The following CDH13 variants were observed in gnomAD, a reference collection of about 807,000 sequenced individuals.
CDH13 encodes the protein cadherin 13, also known as cadherin-13.
A neutral mutation model predicts 63.8 loss-of-function variants in CDH13; 24 were observed. The observed-to-expected ratio is 0.38, with a 90% CI of 0.27 to 0.53. CDH13 has a LOEUF of 0.53. CDH13 is among the 20% of genes least tolerant of loss of function. The probability of loss-of-function intolerance (pLI) is 0.85; values close to 1 mark genes in which losing one functional copy is unlikely to be tolerated. For missense variants in CDH13, 1,049 were observed against 903.1 expected, an observed-to-expected ratio of 1.16 and a Z score of -2.07; for synonymous variants, 503 against 355.3, an observed-to-expected ratio of 1.42 and a Z score of -4.67.
At chr16:83,300,459 C>G (rs925466765) in intron 5 of CDH13, among the ~76,000 whole-genome samples, 2 of 152,182 alleles carry the variant, frequency 1.3e-5, no homozygotes, top group Non-Finnish European at 2.9e-5. Flanking sequence ...AAGATGTTAT[C>G]TCAAATTTAA....
intron 5 of CDH13, among the ~76,000 whole-genome samples, chr16:83,262,340 G>C (rs1907093538): frequency 6.6e-6 from 1 of 152,192 alleles, no homozygotes; most frequent in African/African-American, 2.4e-5. Context: ...CAGATGTGTA[G>C]GGAGACTCTG....
chr16:83,583,633 T>C (rs1266013833), intron 7 of CDH13, among the ~76,000 whole-genome samples: 4 of 152,126 alleles, frequency 2.6e-5, no homozygotes, highest in Non-Finnish European at 4.4e-5. Context: ...AAGAGTGTGA[T>C]TTGGTGGCTC....
chr16:82,710,400 G>A, intron 1 of CDH13, among the ~76,000 whole-genome samples: 1 of 145,766 alleles, frequency 6.9e-6, no homozygotes, highest in South Asian at 2.1e-4. Flanking sequence ...GCGCATGGTG[G>A]TGGGTGCTGT....
chr16:83,262,777 T>C (rs1037526587), intron 5 of CDH13, among the ~76,000 whole-genome samples: 27 of 152,254 alleles, frequency 1.8e-4, no homozygotes, highest in African/African-American at 6.0e-4. Context: ...ACAGTGTTTC[T>C]TTGGCAGATG....
chr16:83,014,816 G>GTATATA (rs1378898826), intron 2 of CDH13, among the ~76,000 whole-genome samples: 6 of 64,168 alleles, frequency 9.4e-5, no homozygotes, highest in African/African-American at 3.5e-4. Context: ...ATATATATTT[G>GTATATA]TATATATATA....
chr16:83,730,113 A>G (rs1722737026), intron 10 of CDH13, among the ~76,000 whole-genome samples: 1 of 152,214 alleles, frequency 6.6e-6, no homozygotes, highest in African/African-American at 2.4e-5. Context: ...TCTACGTAGC[A>G]TTCCATTATC....
intron 1 of CDH13, among the ~76,000 whole-genome samples, chr16:82,710,721 T>G (rs1225176838): frequency 6.8e-6 from 1 of 146,638 alleles, no homozygotes; most frequent in Non-Finnish European, 1.5e-5. Flanking sequence ...ATATATTGTA[T>G]GTTTATAAAA....
chr16:83,151,209 A>G (rs1453013998), intron 4 of CDH13, among the ~76,000 whole-genome samples: 2 of 152,218 alleles, frequency 1.3e-5, no homozygotes, highest in East Asian at 1.9e-4. Context: ...TCAGAGAGAC[A>G]GACACATAAT....
intron 5 of CDH13, among the ~76,000 whole-genome samples, chr16:83,339,274 C>A (rs545009747): frequency 6.6e-6 from 1 of 152,126 alleles, no homozygotes. Context: ...ATCCTCTAGA[C>A]AATATTTAGA....
chr16:82,707,106 G>A (rs1036429560), intron 1 of CDH13, among the ~76,000 whole-genome samples: 1 of 152,196 alleles, frequency 6.6e-6, no homozygotes, highest in Non-Finnish European at 1.5e-5. Context: ...CAGGCAGGTT[G>A]TTTTGCTTCC....
chr16:83,598,410 T>C (rs1907472416), intron 7 of CDH13, among the ~76,000 whole-genome samples: 1 of 152,156 alleles, frequency 6.6e-6, no homozygotes, highest in African/African-American at 2.4e-5. Flanking sequence ...TAACTTTCCC[T>C]GGCTACAAAA....
intron 1 of CDH13, among the ~76,000 whole-genome samples, chr16:82,766,703 C>A (rs1193274900): frequency 1.3e-5 from 2 of 152,194 alleles, no homozygotes; most frequent in East Asian, 3.8e-4. Flanking sequence ...TCCTTTATAT[C>A]ATTATCCAAA....
At chr16:83,371,945 C>T (rs889096040) in intron 6 of CDH13, among the ~76,000 whole-genome samples, 11 of 152,164 alleles carry the variant, frequency 7.2e-5, no homozygotes, top group African/African-American at 2.4e-4. Flanking sequence ...AATCATCCCC[C>T]GGACCGTATA....
At chr16:82,695,778 C>T (rs1290275960) in intron 1 of CDH13, among the ~76,000 whole-genome samples, 2 of 152,176 alleles carry the variant, frequency 1.3e-5, no homozygotes, top group Non-Finnish European at 2.9e-5. Flanking sequence ...CTATACCATG[C>T]AGCCTGGTAG....
At chr16:82,630,080 T>C (rs771476152) in intron 1 of CDH13, among the ~76,000 whole-genome samples, 8 of 152,010 alleles carry the variant, frequency 5.3e-5, no homozygotes, top group Non-Finnish European at 1.0e-4. Context: ...TCTCTAGGGG[T>C]CAGAGTCTTG....
chr16:83,504,038 G>A (rs1437080043), intron 7 of CDH13, among the ~76,000 whole-genome samples: 1 of 152,070 alleles, frequency 6.6e-6, no homozygotes, highest in Non-Finnish European at 1.5e-5. Flanking sequence ...GGGTTGATGG[G>A]TGCAGCAAAC....
chr16:83,562,824 A>G (rs1232626311), intron 7 of CDH13, among the ~76,000 whole-genome samples: 1 of 152,220 alleles, frequency 6.6e-6, no homozygotes, highest in East Asian at 1.9e-4. Context: ...CTTGGTAAAC[A>G]TGCATCTGAA....
At chr16:83,368,938 A>ATATATATATATATATG (rs60900726) in intron 6 of CDH13, among the ~76,000 whole-genome samples, 8 of 55,426 alleles carry the variant, frequency 1.4e-4, no homozygotes, top group Admixed American at 2.4e-4. Context: ...ATATATATAT[A>ATATATATATATATATG]CTAGGTTTTT....
At chr16:83,009,089 C>A (rs538673231) in intron 2 of CDH13, among the ~76,000 whole-genome samples, 31 of 152,174 alleles carry the variant, frequency 2.0e-4, no homozygotes, top group Non-Finnish European at 3.8e-4. Context: ...CTTTCTACCC[C>A]ATGTGGGGAT....
Sources: allele counts gnomAD v4.1 joint callset (sites outside exome capture counted in the v4.1 genomes callset), GRCh38; gene constraint gnomAD v4.1.1; transcripts MANE v1.5; gene names NCBI Gene and HGNC (gene_info 2026-07-23, HGNC 2026-07-21).